HPS1: variants seen among roughly 807,000 people sequenced by gnomAD.
HPS1 encodes the protein HPS1 biogenesis of lysosomal organelles complex 3 subunit 1, also known as BLOC-3 complex member HPS1.
In HPS1, 59 loss-of-function variants were observed where a neutral mutation model predicts 90.6. The ratio of observed to expected loss-of-function variants is 0.65; its 90% CI spans 0.53 to 0.81. The LOEUF (loss-of-function observed/expected upper bound fraction) is 0.81. HPS1 is among the 30% of genes least tolerant of loss of function. HPS1 has a pLI of 0.00. For synonymous variants in HPS1, 388 were observed against 384.4 expected (o/e 1.01, Z -0.11); for missense variants, 849 against 896.7 (o/e 0.95, Z 0.68).
At chr10:98,419,731 A>G (rs552632820) in intron 18 of HPS1, among the ~76,000 whole-genome samples, 3 of 152,244 alleles carry the variant, frequency 2.0e-5, no homozygotes, top group Non-Finnish European at 4.4e-5. Flanking sequence ...ACATGGAAGC[A>G]CTAGCGACAA....
chr10:98,424,010 C>T (rs1845261649), intron 14 of HPS1, 123 bp from the exon 15 acceptor site: 3 of 1,348,868 alleles, frequency 2.2e-6, no homozygotes, highest in South Asian at 2.4e-5. Context: ...CCCTTGTGGA[C>T]CACCCCACTC....
At chr10:98,431,080 G>A in intron 7 of HPS1, 51 bp downstream of exon 7, 1 of 1,592,450 alleles carries the variant, frequency 6.3e-7, no homozygotes, top group Non-Finnish European at 8.6e-7. Context: ...CCATAGGGGA[G>A]TGAGAAGGCC....
chr10:98,444,911 A>G (rs1417061308), intron 2 of HPS1, among the ~76,000 whole-genome samples: 1 of 152,088 alleles, frequency 6.6e-6, no homozygotes, highest in Non-Finnish European at 1.5e-5. Flanking sequence ...ACCAGAGTGT[A>G]TGGGTTAGGG....
rs1846372209 is a variant in HPS1 at position 98,431,031 on chromosome 10, T to A, written c.668+100A>T. 8.0e-6 allele frequency: 10 copies of A among 1,244,716 alleles called. No homozygotes were observed. In the South Asian group the frequency reaches 1.2e-4, roughly 14 times the overall value. The allele number at this position is 1,244,716 out of a possible 1,614,324, so 77.1% of individuals were successfully genotyped here. On this transcript the variant is annotated intron_variant, in intron 7 of 19. Coordinates refer to ENST00000361490, the MANE Select transcript of HPS1 (RefSeq NM_000195.5). The stretch of plus-strand genomic sequence containing the variant: ...AAGGTTTCAGGCTTCATGGAGGAGG[T>A]GATTCTTGGCTGGGCAGGTGGTGCT...
At chr10:98,440,182 T>A (rs1293911033) in intron 3 of HPS1, among the ~76,000 whole-genome samples, 1 of 152,182 alleles carries the variant, frequency 6.6e-6, no homozygotes, top group Non-Finnish European at 1.5e-5. Context: ...ATAAAAATAT[T>A]TGGTGTATAT....
intron 16 of HPS1, 52 bp from the exon 17 acceptor site, chr10:98,422,565 C>G: frequency 1.3e-6 from 2 of 1,591,222 alleles, no homozygotes; most frequent in Non-Finnish European, 1.7e-6. Flanking sequence ...GACGGCCTGC[C>G]TCTGTCCTGG....
intron 11 of HPS1, 108 bp downstream of exon 11, chr10:98,427,107 G>A (rs1242845498): frequency 2.2e-6 from 2 of 904,974 alleles, no homozygotes; most frequent in Admixed American, 2.1e-5. Context: ...GGCAGGAGGA[G>A]GGCTGGCACG....
intron 3 of HPS1, among the ~76,000 whole-genome samples, chr10:98,437,018 T>C (rs1847436425): frequency 2.0e-5 from 3 of 152,298 alleles, no homozygotes; most frequent in Middle Eastern, 3.4e-3. Context: ...CTCAGATTTT[T>C]TTTTTTCTGG....
intron 10 of HPS1, chr10:98,429,179 C>T (rs1344769270): frequency 1.9e-6 from 2 of 1,058,876 alleles, no homozygotes; most frequent in Non-Finnish European, 2.3e-6. Flanking sequence ...ATTGTTTACC[C>T]ACATACTTTG....
Position 98,427,214 on chromosome 10 carries a change from C to T in HPS1, c.987+1G>A, listed in dbSNP as rs913991716. 3.2e-6 allele frequency: 5 copies of T among 1,551,170 alleles called. No homozygotes were observed. The highest frequency in any genetic ancestry group is 4.4e-6 in the Non-Finnish European group (5 of 1,146,656). Reference sequence around the variant, plus strand: ...CCCAGGCAGGCACAGGAGAAACTCACCTGAAGGGCATCCATGGGGGGGGTG... The same window carrying T: ...CCCAGGCAGGCACAGGAGAAACTCATCTGAAGGGCATCCATGGGGGGGGTG... On this transcript the variant is annotated splice_donor_variant, in intron 11 of 19. Transcript: ENST00000361490. LOFTEE classifies it high-confidence loss of function.
At chr10:98,432,968 C>G (rs1179656548) in intron 6 of HPS1, among the ~76,000 whole-genome samples, 1 of 152,200 alleles carries the variant, frequency 6.6e-6, no homozygotes, top group Non-Finnish European at 1.5e-5. Context: ...GGCACTGTGG[C>G]TCATGCCTGT....
At chr10:98,428,617 T>A (rs924144725) in intron 10 of HPS1, among the ~76,000 whole-genome samples, 15 of 151,802 alleles carry the variant, frequency 9.9e-5, no homozygotes, top group Non-Finnish European at 2.2e-4. Flanking sequence ...TCCTTTCAAA[T>A]CCTAGTCCCC....
rs1372714817 is a variant in HPS1 at position 98,427,226 on chromosome 10, C to T, written c.976G>A (p.Asp326Asn). The stretch of plus-strand genomic sequence containing the variant: ...CAGGAGAAACTCACCTGAAGGGCAT[C>T]CATGGGGGGGGTGCCCCCCTCCAGC... ...IWLEGGTPPM[D>N]ALQIAEDTLQ... Residue 326 changes from aspartate to asparagine, a missense_variant, in exon 11 of 20, where the codon GAT becomes AAT. Asp to Asn is a conservative substitution (Grantham distance 23, BLOSUM62 1). Transcript: ENST00000361490. 6 of 1,551,364 alleles carry T rather than the reference C, an allele frequency of 3.9e-6. No homozygotes were observed. Among genetic ancestry groups the T allele is most frequent in the East Asian group, 2.4e-5 (1 of 41,060 alleles).
rs751468611 is a variant in HPS1 at position 98,423,674 on chromosome 10, G to A, written c.1533-6C>T. 1.9e-5 allele frequency: 31 copies of A among 1,613,962 alleles called. 1 individual carries two copies. The highest frequency in any genetic ancestry group is 5.3e-5 in the African/African-American group (4 of 74,924). ...TCCAGTCCGTCAGCTTCTCCCTGCCGAGGGAAGCTCGGGCTGCGTGAAGGA... is the reference window on the plus strand; with the variant it reads ...TCCAGTCCGTCAGCTTCTCCCTGCCAAGGGAAGCTCGGGCTGCGTGAAGGA... On this transcript the variant is annotated splice_region_variant and splice_polypyrimidine_tract_variant and intron_variant, in intron 15 of 19. Transcript: ENST00000361490.
chr10:98,416,086 G>GT (rs1844075254), downstream of HPS1: 1 of 152,290 alleles, frequency 6.6e-6, no homozygotes, highest in Admixed American at 6.5e-5. Flanking sequence ...CCTGCTATTG[G>GT]TAACGAATCT....
chr10:98,435,877 C>A lies in HPS1; in HGVS notation c.118-105G>T. 1 of 1,446,374 alleles carries A rather than the reference C, an allele frequency of 6.9e-7. No homozygotes were observed. Among genetic ancestry groups the A allele is most frequent in the Non-Finnish European group, 9.6e-7 (1 of 1,039,656 alleles). The allele number at this position is 1,446,374 out of a possible 1,614,324, so 89.6% of individuals were successfully genotyped here. A position where few individuals can be genotyped will look rare whatever the true frequency, so the allele number is the denominator to read the frequency against. On this transcript the variant is annotated intron_variant, in intron 3 of 19. Coordinates refer to ENST00000361490, the MANE Select transcript of HPS1 (RefSeq NM_000195.5). The surrounding 1 kb of genome is among the most constrained non-coding windows in gnomAD (Gnocchi z 4.3). Reference sequence around the variant, plus strand: ...ATATCAAGGGTTCCATAGTGTTAGACCCTCCTGGGAGGGTATCACTGTCCT... The same window carrying A: ...ATATCAAGGGTTCCATAGTGTTAGAACCTCCTGGGAGGGTATCACTGTCCT...
At chr10:98,442,704 C>T (rs1034347298) in intron 3 of HPS1, 3 of 262,744 alleles carry the variant, frequency 1.1e-5, no homozygotes, top group East Asian at 9.4e-5. Flanking sequence ...GACAGGGTTT[C>T]GCCATGCTGC....
intron 9 of HPS1, 44 bp downstream of exon 9, chr10:98,429,747 C>T (rs771910193): frequency 1.2e-5 from 20 of 1,613,062 alleles, no homozygotes; most frequent in South Asian, 3.3e-5. Flanking sequence ...CTGCAGAGGC[C>T]GATCCCCTCC....
At chr10:98,438,174 CG>C (rs1261890214) in intron 3 of HPS1, among the ~76,000 whole-genome samples, 1 of 152,152 alleles carries the variant, frequency 6.6e-6, no homozygotes, top group East Asian at 1.9e-4. Context: ...GGTACGAAAA[CG>C]GACTGACACA....
Sources: allele counts gnomAD v4.1 joint callset (sites outside exome capture counted in the v4.1 genomes callset), GRCh38; gene constraint gnomAD v4.1.1; non-coding constraint Gnocchi (gnomAD v3.1); transcripts MANE v1.5; gene names NCBI Gene and HGNC (gene_info 2026-07-23, HGNC 2026-07-21).